The following STARD7 variants were observed in gnomAD, a reference collection of about 807,000 sequenced individuals.
The protein encoded by STARD7 is stAR-related lipid transfer protein 7, mitochondrial.
STARD7 carries 30 observed loss-of-function variants against 45.3 expected under a neutral mutation model. The observed-to-expected ratio is 0.66, with a 90% CI of 0.50 to 0.90. STARD7 has a LOEUF of 0.90. STARD7 is among the 40% of genes least tolerant of loss of function. STARD7 has a pLI of 0.00. For synonymous variants in STARD7, 199 were observed against 183.0 expected (o/e 1.09, Z -0.70); for missense variants, 495 against 491.3 (o/e 1.01, Z -0.07).
intron 1 of STARD7, among the ~76,000 whole-genome samples, chr2:96,205,596 T>C (rs1305617020): frequency 6.6e-5 from 10 of 152,152 alleles, no homozygotes; most frequent in East Asian, 1.9e-4. Flanking sequence ...CCAAAAATCA[T>C]CTCACTAGAA....
At position 96,195,458 on chromosome 2, in the gene STARD7, T is replaced by A; in HGVS notation, c.382A>T (p.Thr128Ser). The change falls in exon 2 of 8, where the codon ACA becomes TCA. Residue 128 changes from threonine (T) to serine (S), a missense_variant. Thr to Ser is a moderately conservative substitution (Grantham distance 58). Coordinates refer to ENST00000337288, the MANE Select transcript of STARD7 (RefSeq NM_020151.4). ...CCCTCTGAATCTTCATTCCCTTCTG[T>A]TTGGGCTTTTGGTTCTGGAGGGTGG... ...QHHPPEPKAQ[T>S]EGNEDSEGKE... The A allele has an allele frequency of 2.5e-6, 4 of 1,613,694 alleles. No homozygotes were observed. Among genetic ancestry groups the A allele is most frequent in the Non-Finnish European group, 3.4e-6 (4 of 1,179,764 alleles).
Position 96,195,496 on chromosome 2 carries a change from G to C in STARD7, c.344C>G (p.Ser115Cys). The change falls in exon 2 of 8, where the codon TCT becomes TGT. Residue 115 changes from serine (S) to cysteine (C), a missense_variant. Coordinates refer to ENST00000337288, the MANE Select transcript of STARD7 (RefSeq NM_020151.4). ...TTCTGGAGGGTGGTGCTGGACTCCA[G>C]AGCTCTGAAACATATTTGACATTTC... ...LEEMSNMFQS[S>C]GVQHHPPEPK... The C allele has an allele frequency of 6.2e-7, 1 of 1,613,802 alleles. No homozygotes were observed. Among genetic ancestry groups the C allele is most frequent in the Non-Finnish European group, 8.5e-7 (1 of 1,179,856 alleles).
intron 1 of STARD7, among the ~76,000 whole-genome samples, chr2:96,204,002 C>T (rs2104205356): frequency 6.6e-6 from 1 of 151,604 alleles, no homozygotes; most frequent in Non-Finnish European, 1.5e-5. Context: ...GCCTGGCTCT[C>T]AGCACTTTGG....
chr2:96,194,540 A>C (rs1683173853), intron 3 of STARD7, among the ~76,000 whole-genome samples: 1 of 152,202 alleles, frequency 6.6e-6, no homozygotes, highest in South Asian at 2.1e-4. Context: ...ATCAGTGTTA[A>C]ATTTACTAAT....
rs1384663662 is a variant in STARD7, at chr2:96,186,729, G to A, written c.*1C>T. ...CTTGTCCCTTCTTATCCCAAAGCCT[G>A]TCAAGCATACTCAATCCGAGCAGGG... On this transcript the variant is annotated 3_prime_UTR_variant, in exon 8 of 8. Coordinates refer to ENST00000337288, the MANE Select transcript of STARD7 (RefSeq NM_020151.4). 6.2e-7 allele frequency: 1 copy of A among 1,604,328 alleles called. No individual in the cohort carries two copies. The highest frequency in any genetic ancestry group is 8.5e-7 in the Non-Finnish European group (1 of 1,175,774).
intron 6 of STARD7, among the ~76,000 whole-genome samples, chr2:96,189,420 G>A (rs186252682): frequency 3.3e-5 from 5 of 151,998 alleles, no homozygotes; most frequent in Non-Finnish European, 5.9e-5. Context: ...AATCTTAGCT[G>A]GGGGCTGGGC....
rs747679821 is a variant in STARD7, at chr2:96,195,386, G to A, written c.454C>T (p.Leu152=). The A allele has an allele frequency of 1.2e-6, 2 of 1,601,420 alleles. No homozygotes were observed. The highest frequency in any genetic ancestry group is 1.7e-6 in the Non-Finnish European group (2 of 1,173,818). Residue 152 remains leucine, a synonymous_variant, in exon 2 of 8, where the codon CTG becomes TTG. Coordinates refer to ENST00000337288, the MANE Select transcript of STARD7 (RefSeq NM_020151.4). ...GTGCCTGTAATTGGGCGCCGCCACA[G>A]CTTAAAGTGTTTCTTATCCATCACC... ...EMVMDKKHFK[L]WRRPITGTHL... is the part of the protein sequence containing the mutation.
rs1683150057 is a variant in STARD7 at position 96,193,080 on chromosome 2, C to T, written c.741G>A (p.Ser247=). 4.3e-6 allele frequency: 7 copies of T among 1,612,122 alleles called. No individual in the cohort carries two copies. Among genetic ancestry groups the T allele is most frequent in the South Asian group, 3.3e-5 (3 of 90,874 alleles). Residue 247 remains serine (S), a splice_region_variant and synonymous_variant, in exon 5 of 8, where the codon TCG becomes TCA. Coordinates refer to ENST00000337288, the MANE Select transcript of STARD7 (RefSeq NM_020151.4). The stretch of plus-strand genomic sequence containing the variant: ...CAGCCACAGGCAGCCATACATACCG[C>T]GACACCAACACCATCATGTTGTTTT... ...DQENNMMVLV[S]RAVEHPSVPE...
chr2:96,197,884 T>C (rs1683249188), intron 1 of STARD7, among the ~76,000 whole-genome samples: 1 of 152,240 alleles, frequency 6.6e-6, no homozygotes, highest in African/African-American at 2.4e-5. Context: ...AGTTCAACCA[T>C]GCTGTACTTT....
chr2:96,192,491 C>T, intron 5 of STARD7, 23 bp from the exon 6 acceptor site: 1 of 1,569,250 alleles, frequency 6.4e-7, no homozygotes, highest in Non-Finnish European at 8.8e-7. Flanking sequence ...AAAGGAGAAG[C>T]AAACTCTTAG....
At chr2:96,197,323 T>G (rs1234150427) in intron 1 of STARD7, among the ~76,000 whole-genome samples, 2 of 151,796 alleles carry the variant, frequency 1.3e-5, no homozygotes, top group African/African-American at 4.8e-5. Context: ...AAGAATCACT[T>G]GAACCCAGGA....
At chr2:96,207,152 C>T (rs1683406696) in intron 1 of STARD7, among the ~76,000 whole-genome samples, 1 of 152,196 alleles carries the variant, frequency 6.6e-6, no homozygotes, top group African/African-American at 2.4e-5. Flanking sequence ...CAAATAGCTG[C>T]CTGGCATCTG....
chr2:96,193,954 A>T (rs1683164569), intron 3 of STARD7, among the ~76,000 whole-genome samples: 1 of 152,212 alleles, frequency 6.6e-6, no homozygotes, highest in Non-Finnish European at 1.5e-5. Flanking sequence ...CCAGAAAGAA[A>T]AAAATTTTGT....
intron 3 of STARD7, among the ~76,000 whole-genome samples, chr2:96,194,734 A>G (rs1683176373): frequency 6.6e-6 from 1 of 152,238 alleles, no homozygotes. Context: ...CCTCTATCTG[A>G]TATTCCCAAC....
rs1683023203 is a variant in STARD7 at position 96,185,597 on chromosome 2, G to C, written c.*1133C>G. The C allele has an allele frequency of 6.6e-6, 1 of 152,164 alleles. No homozygotes were observed. The highest frequency in any genetic ancestry group is 2.4e-5 in the African/African-American group (1 of 41,426). 9.4% of individuals were successfully genotyped at this position (152,164 alleles called of 1,614,324 possible). A position where few individuals can be genotyped will look rare whatever the true frequency, so the allele number is the denominator to read the frequency against. On this transcript the variant is annotated 3_prime_UTR_variant, in exon 8 of 8. Coordinates refer to ENST00000337288, the MANE Select transcript of STARD7 (RefSeq NM_020151.4). ...TGAAGAGAGGAAGAAAAACTTTTTA[G>C]AGGAACTTAATGGTAACATAAACCA... is the stretch of plus-strand genomic sequence containing the variant.
intron 6 of STARD7, among the ~76,000 whole-genome samples, chr2:96,189,151 G>A (rs988519911): frequency 2.0e-5 from 3 of 151,938 alleles, no homozygotes; most frequent in African/African-American, 7.3e-5. Context: ...TCTTCCCTGT[G>A]TTGCCCAGGC....
chr2:96,195,368 T>G lies in STARD7; in HGVS notation c.472A>C (p.Thr158Pro). 6.3e-7 allele frequency: 1 copy of G among 1,585,442 alleles called. No individual in the cohort carries two copies. Among genetic ancestry groups the G allele is most frequent in the East Asian group, 2.3e-5 (1 of 43,904 alleles). Residue 158 changes from threonine to proline, a missense_variant, in exon 2 of 8, where the codon ACA becomes CCA. Thr to Pro is a conservative substitution (Grantham distance 38, BLOSUM62 -1). This residue lies in a region of STARD7 where 282 missense variants were observed against 220.1 expected (regional missense o/e 1.28). Coordinates refer to ENST00000337288, the MANE Select transcript of STARD7 (RefSeq NM_020151.4). ...CGGTACTGGTAAAGGTGGGTGCCTG[T>G]AATTGGGCGCCGCCACAGCTTAAAG... ...KHFKLWRRPI[T>P]GTHLYQYRVF... is the part of the protein sequence containing the mutation.
At chr2:96,191,714 A>T (rs1683128567) in intron 6 of STARD7, among the ~76,000 whole-genome samples, 1 of 152,024 alleles carries the variant, frequency 6.6e-6, no homozygotes, top group African/African-American at 2.4e-5. Flanking sequence ...AAATAAAACA[A>T]CTTGATGAGA....
chr2:96,192,158 T>C (rs1457115148), intron 6 of STARD7, among the ~76,000 whole-genome samples: 2 of 152,192 alleles, frequency 1.3e-5, no homozygotes, highest in Non-Finnish European at 2.9e-5. Context: ...AGGGAACCAA[T>C]GGATTGCCAC....
Sources: allele counts gnomAD v4.1 joint callset (sites outside exome capture counted in the v4.1 genomes callset), GRCh38; gene constraint gnomAD v4.1.1; regional missense constraint gnomAD v4.1.1; transcripts MANE v1.5; gene names NCBI Gene and HGNC (gene_info 2026-07-23, HGNC 2026-07-21).